Variants in ATXN7L3B observed in about 807,000 individuals in gnomAD.
The protein encoded by ATXN7L3B is ataxin-7-like protein 3B.
Under a neutral mutation model 6.3 loss-of-function variants are expected in ATXN7L3B, and 4 were observed. That is an observed-to-expected ratio of 0.63 (90% confidence interval 0.31 to 1.45). ATXN7L3B has a LOEUF of 1.45. ATXN7L3B is among the 40% of genes most tolerant of loss of function. The probability of loss-of-function intolerance (pLI) is 0.07; values close to 1 mark genes in which losing one functional copy is unlikely to be tolerated. For missense variants in ATXN7L3B, 120 were observed against 118.5 expected, an observed-to-expected ratio of 1.01 and a Z score of -0.06; for synonymous variants, 63 against 48.0, an observed-to-expected ratio of 1.31 and a Z score of -1.29.
chr12:74,545,217 G>A lies in ATXN7L3B; in HGVS notation c.*6811G>A, dbSNP rs1441898249. On this transcript the variant is annotated 3_prime_UTR_variant, in exon 1 of 1. Coordinates refer to ENST00000519948, the MANE Select transcript of ATXN7L3B (RefSeq NM_001136262.2). ...ATTTCCACCTGTTGCAGCATTATAT[G>A]TAATAGGGAAAAATTGAAAGTAATA... 1 of 152,022 alleles carries A rather than the reference G, an allele frequency of 6.6e-6. No homozygotes were observed. Among genetic ancestry groups the A allele is most frequent in the Admixed American group, 6.6e-5 (1 of 15,258 alleles). 9.4% of individuals were successfully genotyped at this position (152,022 alleles called of 1,614,324 possible).
chr12:74,541,760 G>A lies in ATXN7L3B; in HGVS notation c.*3354G>A, dbSNP rs1868904860. ...TGTGACAGATAGTTCCATTTGAATT[G>A]AACTCAATATATCTTAGTAAGTACA... On this transcript the variant is annotated 3_prime_UTR_variant, in exon 1 of 1. Transcript: ENST00000519948. 6.6e-6 allele frequency: 1 copy of A among 152,108 alleles called. No homozygotes were observed. Among genetic ancestry groups the A allele is most frequent in the Non-Finnish European group, 1.5e-5 (1 of 68,020 alleles). 9.4% of individuals were successfully genotyped at this position (152,108 alleles called of 1,614,324 possible).
Position 74,538,286 on chromosome 12 carries a change from T to A in ATXN7L3B, c.174T>A (p.Asp58Glu). The change falls in exon 1 of 1, where the codon GAT becomes GAA. Residue 58 changes from aspartate to glutamate, a missense_variant. Asp to Glu is a conservative substitution (Grantham distance 45). Coordinates refer to ENST00000519948, the MANE Select transcript of ATXN7L3B (RefSeq NM_001136262.2). Reference protein sequence around the residue: ...LEFAETGSVKDFGIQPVEDKG... With the variant: ...LEFAETGSVKEFGIQPVEDKG... ...TCGCAGAGACTGGTAGCGTGAAGGA[T>A]TTTGGCATTCAGCCAGTGGAAGACA... 1.3e-6 allele frequency: 2 copies of A among 1,565,054 alleles called. No individual in the cohort carries two copies. The highest frequency in any genetic ancestry group is 1.7e-6 in the Non-Finnish European group (2 of 1,154,926).
chr12:74,538,095 A>G lies in ATXN7L3B; in HGVS notation c.-18A>G. 1 of 1,549,192 alleles carries G rather than the reference A, an allele frequency of 6.5e-7. No individual in the cohort carries two copies. The highest frequency in any genetic ancestry group is 8.7e-7 in the Non-Finnish European group (1 of 1,144,802). On this transcript the variant is annotated 5_prime_UTR_variant, in exon 1 of 1. Coordinates refer to ENST00000519948, the MANE Select transcript of ATXN7L3B (RefSeq NM_001136262.2). The stretch of plus-strand genomic sequence containing the variant: ...TGAGTAAAACGAGCGCCCTCTCCGC[A>G]CTCGTTTACAAATTAAAATGGAGGA...
At position 74,543,893 on chromosome 12, in the gene ATXN7L3B, T is replaced by C. The variant is rs558042408; in HGVS notation, c.*5487T>C. 11 of 152,234 alleles carry C rather than the reference T, an allele frequency of 7.2e-5. No individual in the cohort carries two copies. The highest frequency in any genetic ancestry group is 2.1e-4 in the South Asian group (1 of 4,832). The allele number at this position is 152,234 out of a possible 1,614,324, so 9.4% of individuals were successfully genotyped here. A position where few individuals can be genotyped will look rare whatever the true frequency, so the allele number is the denominator to read the frequency against. ...AAATCTACACCAGTTACTATACTTA[T>C]TAATGAATACTTGGAAGCACTCCCT... On this transcript the variant is annotated 3_prime_UTR_variant, in exon 1 of 1. Coordinates refer to ENST00000519948, the MANE Select transcript of ATXN7L3B (RefSeq NM_001136262.2).
In ATXN7L3B at chr12:74,543,701, A is replaced by C. The variant is rs999843891; in HGVS notation, c.*5295A>C. The C allele has an allele frequency of 2.6e-5, 4 of 152,072 alleles. No homozygotes were observed. Among genetic ancestry groups the C allele is most frequent in the African/African-American group, 9.6e-5 (4 of 41,458 alleles). 9.4% of individuals were successfully genotyped at this position (152,072 alleles called of 1,614,324 possible). ...TCACAGGATGGCAAGATTTCATCTC[A>C]AAATCATCACATTACCATTAGAGAA... On this transcript the variant is annotated 3_prime_UTR_variant, in exon 1 of 1. Coordinates refer to ENST00000519948, the MANE Select transcript of ATXN7L3B (RefSeq NM_001136262.2).
rs771034379 is a variant in ATXN7L3B at position 74,538,458 on chromosome 12, G to T, written c.*52G>T. On this transcript the variant is annotated 3_prime_UTR_variant, in exon 1 of 1. Coordinates refer to ENST00000519948, the MANE Select transcript of ATXN7L3B (RefSeq NM_001136262.2). The stretch of plus-strand genomic sequence containing the variant: ...CAGGACAATAACATAGACTGGTCCT[G>T]TGGCTTCGAGGAGTAAGCTAAGTAG... 3.3e-5 allele frequency: 49 copies of T among 1,468,870 alleles called. No homozygotes were observed. Among genetic ancestry groups the T allele is most frequent in the Middle Eastern group, 4.1e-4 (2 of 4,844 alleles). The allele number at this position is 1,468,870 out of a possible 1,614,324, so 91.0% of individuals were successfully genotyped here.
At position 74,538,572 on chromosome 12, in the gene ATXN7L3B, T is replaced by A; in HGVS notation, c.*166T>A. ...CCAAAGTGGATAATTTAGGAATCCTTTTTTTAAAGTGTATTACCTGGAGCA... is the reference window on the plus strand; with the variant it reads ...CCAAAGTGGATAATTTAGGAATCCTATTTTTAAAGTGTATTACCTGGAGCA... On this transcript the variant is annotated 3_prime_UTR_variant, in exon 1 of 1. Transcript: ENST00000519948. 1.4e-6 allele frequency: 1 copy of A among 703,756 alleles called. No homozygotes were observed. The highest frequency in any genetic ancestry group is 2.4e-6 in the Non-Finnish European group (1 of 420,232). 43.6% of individuals were successfully genotyped at this position (703,756 alleles called of 1,614,324 possible).
chr12:74,538,440 A>G lies in ATXN7L3B; in HGVS notation c.*34A>G, dbSNP rs1592595341. ...TGAGAGTCTGAAAGTGGCCAGGACA[A>G]TAACATAGACTGGTCCTGTGGCTTC... On this transcript the variant is annotated 3_prime_UTR_variant, in exon 1 of 1. Coordinates refer to ENST00000519948, the MANE Select transcript of ATXN7L3B (RefSeq NM_001136262.2). 2.0e-6 allele frequency: 3 copies of G among 1,534,750 alleles called. No homozygotes were observed. Among genetic ancestry groups the G allele is most frequent in the Non-Finnish European group, 1.8e-6 (2 of 1,136,494 alleles).
Position 74,543,873 on chromosome 12 carries a change from T to C in ATXN7L3B, c.*5467T>C, listed in dbSNP as rs985947180. The C allele has an allele frequency of 1.3e-5, 2 of 152,046 alleles. No homozygotes were observed. Among genetic ancestry groups the C allele is most frequent in the Non-Finnish European group, 2.9e-5 (2 of 67,898 alleles). The allele number at this position is 152,046 out of a possible 1,614,324, so 9.4% of individuals were successfully genotyped here. Reference sequence around the variant, plus strand: ...TGCAAAAGGGTATGTACCAAAAATCTACACCAGTTACTATACTTATTAATG... The same window carrying C: ...TGCAAAAGGGTATGTACCAAAAATCCACACCAGTTACTATACTTATTAATG... On this transcript the variant is annotated 3_prime_UTR_variant, in exon 1 of 1. Coordinates refer to ENST00000519948, the MANE Select transcript of ATXN7L3B (RefSeq NM_001136262.2).
In ATXN7L3B at chr12:74,542,712, C is replaced by G. The variant is rs1193508863; in HGVS notation, c.*4306C>G. The G allele has an allele frequency of 1.3e-5, 2 of 152,056 alleles. No individual in the cohort carries two copies. Among genetic ancestry groups the G allele is most frequent in the African/African-American group, 4.8e-5 (2 of 41,440 alleles). 9.4% of individuals were successfully genotyped at this position (152,056 alleles called of 1,614,324 possible). ...AAAGTGAAAGACAAAATGAAGTGTA[C>G]TGAAGTAACTAAAAATTCAGGAAGA... On this transcript the variant is annotated 3_prime_UTR_variant, in exon 1 of 1. Coordinates refer to ENST00000519948, the MANE Select transcript of ATXN7L3B (RefSeq NM_001136262.2).
rs1398992837 is a variant in ATXN7L3B at position 74,541,093 on chromosome 12, G to T, written c.*2687G>T. The T allele has an allele frequency of 6.0e-6, 1 of 166,706 alleles. No individual in the cohort carries two copies. Among genetic ancestry groups the T allele is most frequent in the Non-Finnish European group, 1.5e-5 (1 of 68,164 alleles). 10.3% of individuals were successfully genotyped at this position (166,706 alleles called of 1,614,324 possible). On this transcript the variant is annotated 3_prime_UTR_variant, in exon 1 of 1. Coordinates refer to ENST00000519948, the MANE Select transcript of ATXN7L3B (RefSeq NM_001136262.2). ...GAATTCCTATTTTTCCCTTGATTAT[G>T]TGTATTGATCACCCTGCAATCCTAT...
At position 74,540,957 on chromosome 12, in the gene ATXN7L3B, AC is replaced by A. The variant is rs1868879022; in HGVS notation, c.*2552del. ...ATGGGTATAAGGTGGGCTTGGTCCA[AC>A]AGGTGCCCAGAGGGTACATACTCCT... On this transcript the variant is annotated 3_prime_UTR_variant, in exon 1 of 1. Coordinates refer to ENST00000519948, the MANE Select transcript of ATXN7L3B (RefSeq NM_001136262.2). 1 of 167,034 alleles carries A rather than the reference AC, an allele frequency of 6.0e-6. No individual in the cohort carries two copies. The highest frequency in any genetic ancestry group is 1.5e-5 in the Non-Finnish European group (1 of 68,142). 10.3% of individuals were successfully genotyped at this position (167,034 alleles called of 1,614,324 possible).
In ATXN7L3B at chr12:74,541,938, T is replaced by G. The variant is rs2136589829; in HGVS notation, c.*3532T>G. On this transcript the variant is annotated 3_prime_UTR_variant, in exon 1 of 1. Transcript: ENST00000519948. ...CATTTTTAATAGTAATTCTGAGGTT[T>G]TTCATCCCATTCCTAACCCAGAGTT... is the stretch of plus-strand genomic sequence containing the variant. 1 of 152,306 alleles carries G rather than the reference T, an allele frequency of 6.6e-6. No homozygotes were observed. Among genetic ancestry groups the G allele is most frequent in the East Asian group, 1.9e-4 (1 of 5,196 alleles). 9.4% of individuals were successfully genotyped at this position (152,306 alleles called of 1,614,324 possible).
In ATXN7L3B at chr12:74,543,159, C is replaced by T. The variant is rs1180320534; in HGVS notation, c.*4753C>T. 6.6e-6 allele frequency: 1 copy of T among 151,806 alleles called. No individual in the cohort carries two copies. The highest frequency in any genetic ancestry group is 2.4e-5 in the African/African-American group (1 of 41,298). 9.4% of individuals were successfully genotyped at this position (151,806 alleles called of 1,614,324 possible). A position where few individuals can be genotyped will look rare whatever the true frequency, so the allele number is the denominator to read the frequency against. On this transcript the variant is annotated 3_prime_UTR_variant, in exon 1 of 1. Transcript: ENST00000519948. ...ACATTTTCAATCATATTTCTTGAGA[C>T]TCATTGGAAATATGTGAGCTAAAAA...
At position 74,537,916 on chromosome 12, in the gene ATXN7L3B, G is replaced by A; in HGVS notation, c.-197G>A. ...CTGAAAGGCCCGCAACCCGGGAAAC[G>A]TCAAAACAAACAGAAGGACTTGGGA... is the stretch of plus-strand genomic sequence containing the variant. On this transcript the variant is annotated 5_prime_UTR_variant, in exon 1 of 1. Coordinates refer to ENST00000519948, the MANE Select transcript of ATXN7L3B (RefSeq NM_001136262.2). 1.7e-6 allele frequency: 1 copy of A among 599,822 alleles called. No homozygotes were observed. Among genetic ancestry groups the A allele is most frequent in the Non-Finnish European group, 2.9e-6 (1 of 341,634 alleles). 37.2% of individuals were successfully genotyped at this position (599,822 alleles called of 1,614,324 possible).
rs1422493012 is a variant in ATXN7L3B, at chr12:74,538,661, C to G, written c.*255C>G. 1 of 504,928 alleles carries G rather than the reference C, an allele frequency of 2.0e-6. No individual in the cohort carries two copies. The highest frequency in any genetic ancestry group is 3.7e-6 in the Non-Finnish European group (1 of 271,408). The allele number at this position is 504,928 out of a possible 1,614,324, so 31.3% of individuals were successfully genotyped here. A position where few individuals can be genotyped will look rare whatever the true frequency, so the allele number is the denominator to read the frequency against. The stretch of plus-strand genomic sequence containing the variant: ...CGGGCCATGCAGTGCCTGTTGATCT[C>G]TAAACACACCAGGATGTGCGCAAGA... On this transcript the variant is annotated 3_prime_UTR_variant, in exon 1 of 1. Transcript: ENST00000519948.
Position 74,539,493 on chromosome 12 carries a change from G to A in ATXN7L3B, c.*1087G>A, listed in dbSNP as rs1268411617. On this transcript the variant is annotated 3_prime_UTR_variant, in exon 1 of 1. Coordinates refer to ENST00000519948, the MANE Select transcript of ATXN7L3B (RefSeq NM_001136262.2). The stretch of plus-strand genomic sequence containing the variant: ...ATGGATTAGTGCTAGGAGCCAAGGA[G>A]CAGGACTGGATTATCTCATCTGACT... 6.0e-6 allele frequency: 1 copy of A among 167,212 alleles called. No individual in the cohort carries two copies. Among genetic ancestry groups the A allele is most frequent in the African/African-American group, 2.4e-5 (1 of 41,462 alleles). 10.4% of individuals were successfully genotyped at this position (167,212 alleles called of 1,614,324 possible). A position where few individuals can be genotyped will look rare whatever the true frequency, so the allele number is the denominator to read the frequency against.
Position 74,544,798 on chromosome 12 carries a change from C to T in ATXN7L3B, c.*6392C>T, listed in dbSNP as rs528798004. The T allele has an allele frequency of 6.6e-6, 1 of 152,040 alleles. No individual in the cohort carries two copies. The highest frequency in any genetic ancestry group is 1.9e-4 in the East Asian group (1 of 5,184). The allele number at this position is 152,040 out of a possible 1,614,324, so 9.4% of individuals were successfully genotyped here. ...CATAATAAAAATAGAACTTTCTGTT[C>T]ATTAAATCATACTAGAAACAAACAA... On this transcript the variant is annotated 3_prime_UTR_variant, in exon 1 of 1. Coordinates refer to ENST00000519948, the MANE Select transcript of ATXN7L3B (RefSeq NM_001136262.2).
Position 74,545,045 on chromosome 12 carries a change from A to T in ATXN7L3B, c.*6639A>T, listed in dbSNP as rs1031794918. 2.0e-5 allele frequency: 3 copies of T among 152,108 alleles called. No individual in the cohort carries two copies. Among genetic ancestry groups the T allele is most frequent in the African/African-American group, 7.2e-5 (3 of 41,462 alleles). 9.4% of individuals were successfully genotyped at this position (152,108 alleles called of 1,614,324 possible). A position where few individuals can be genotyped will look rare whatever the true frequency, so the allele number is the denominator to read the frequency against. ...CTACTCAGTATGATTAAATTTTTTTAAATGGTGATGACATCAACTCTGAAA... is the reference window on the plus strand; with the variant it reads ...CTACTCAGTATGATTAAATTTTTTTTAATGGTGATGACATCAACTCTGAAA... On this transcript the variant is annotated 3_prime_UTR_variant, in exon 1 of 1. Coordinates refer to ENST00000519948, the MANE Select transcript of ATXN7L3B (RefSeq NM_001136262.2).
Sources: allele counts gnomAD v4.1 joint callset, GRCh38; gene constraint gnomAD v4.1.1; transcripts MANE v1.5; gene names NCBI Gene and HGNC (gene_info 2026-07-23, HGNC 2026-07-21).